The following RB1CC1 variants were observed in gnomAD, a reference collection of about 807,000 sequenced individuals.
RB1CC1 encodes the protein RB1-inducible coiled-coil protein 1.
A neutral mutation model predicts 177.5 loss-of-function variants in RB1CC1; 46 were observed. That is an observed-to-expected ratio of 0.26 (90% CI 0.20 to 0.33). The LOEUF (loss-of-function observed/expected upper bound fraction) is 0.33, where lower values mean the gene tolerates loss of function less well. RB1CC1 is among the 10% of genes least tolerant of loss of function. The pLI is 1.00. For synonymous variants in RB1CC1, 666 were observed against 613.6 expected (o/e 1.09, Z -1.26); for missense variants, 1,703 against 1,816.3 (o/e 0.94, Z 1.13).
Position 52,643,099 on chromosome 8 carries a change from T to TA in RB1CC1, c.3988-288dup, listed in dbSNP as rs770245851. The TA allele has an allele frequency of 3.7e-5, 8 of 217,620 alleles. No homozygotes were observed. In the East Asian group the frequency reaches 5.6e-4, roughly 15 times the overall value. 13.5% of individuals were successfully genotyped at this position (217,620 alleles called of 1,614,324 possible). A position where few individuals can be genotyped will look rare whatever the true frequency, so the allele number is the denominator to read the frequency against. On this transcript the variant is annotated intron_variant, in intron 16 of 23. Transcript: ENST00000025008. ...TGAAGAATTAGAAGCATCAATAACT[T>TA]AGAGTGCTGTTAGACACTTACTTTT... is the stretch of plus-strand genomic sequence containing the variant.
At chr8:52,662,907 A>C (rs1327086792) in intron 8 of RB1CC1, among the ~76,000 whole-genome samples, 2 of 152,072 alleles carry the variant, frequency 1.3e-5, no homozygotes, top group Non-Finnish European at 2.9e-5. Context: ...GTTTTCAATT[A>C]CTTTTTATTG....
chr8:52,630,899 C>T (rs1052904152), intron 20 of RB1CC1, among the ~76,000 whole-genome samples: 3 of 152,148 alleles, frequency 2.0e-5, no homozygotes, highest in Admixed American at 6.6e-5. Context: ...AAGAAACCCA[C>T]ACTTAGAAAA....
rs775835957 is a variant in RB1CC1, at chr8:52,676,484, T to C, written c.457A>G (p.Ile153Val). 1.9e-6 allele frequency: 3 copies of C among 1,613,686 alleles called. No individual in the cohort carries two copies. The highest frequency in any genetic ancestry group is 2.2e-5 in the East Asian group (1 of 44,862). The change falls in exon 6 of 24, where the codon ATC (isoleucine) becomes GTC (valine). Residue 153 changes from isoleucine to valine, a missense_variant. Physicochemically the swap from Ile to Val is conservative, Grantham distance 29. Transcript: ENST00000025008. Reference sequence around the variant, plus strand: ...GAACAGTCCTCCAGGTTGGCCATGATTGCAGCCCAGCCTTGGTGTTGAAGA... The same window carrying C: ...GAACAGTCCTCCAGGTTGGCCATGACTGCAGCCCAGCCTTGGTGTTGAAGA... ...EHLQHQGWAA[I>V]MANLEDCSNS...
chr8:52,708,197 C>T (rs1856749405), intron 1 of RB1CC1, among the ~76,000 whole-genome samples: 1 of 152,194 alleles, frequency 6.6e-6, no homozygotes, highest in South Asian at 2.1e-4. Flanking sequence ...CCCATCTTTG[C>T]TGATCTGAAT....
At chr8:52,640,422 T>C (rs900534251) in intron 18 of RB1CC1, among the ~76,000 whole-genome samples, 6 of 152,264 alleles carry the variant, frequency 3.9e-5, no homozygotes, top group African/African-American at 7.2e-5. Context: ...GGTGATGGAT[T>C]ACTCTAATTT....
intron 16 of RB1CC1, among the ~76,000 whole-genome samples, chr8:52,644,155 G>T (rs1405903482): frequency 2.0e-5 from 3 of 151,868 alleles, no homozygotes; most frequent in Non-Finnish European, 2.9e-5. Flanking sequence ...ATTTGTAATT[G>T]GCATATGAAA....
intron 1 of RB1CC1, among the ~76,000 whole-genome samples, chr8:52,694,664 TCTA>T (rs1855212794): frequency 2.0e-5 from 3 of 152,196 alleles, no homozygotes; most frequent in Admixed American, 2.0e-4. Context: ...ATACCAGGCA[TCTA>T]CTAGTGAAGG....
chr8:52,672,719 T>C (rs1455851906), intron 7 of RB1CC1, among the ~76,000 whole-genome samples: 1 of 152,178 alleles, frequency 6.6e-6, no homozygotes, highest in African/African-American at 2.4e-5. Context: ...TACTCCGGCC[T>C]GGGCGACAGA....
At chr8:52,637,217 C>T (rs1164913766) in intron 18 of RB1CC1, among the ~76,000 whole-genome samples, 1 of 152,138 alleles carries the variant, frequency 6.6e-6, no homozygotes, top group East Asian at 1.9e-4. Flanking sequence ...ACACAGGATG[C>T]CCTACTGTCT....
At chr8:52,644,914 G>A (rs1849887009) in intron 16 of RB1CC1, among the ~76,000 whole-genome samples, 1 of 152,112 alleles carries the variant, frequency 6.6e-6, no homozygotes, top group Non-Finnish European at 1.5e-5. Context: ...TATTATCCCT[G>A]GCCTGAATTC....
At chr8:52,630,414 TAAC>T in intron 21 of RB1CC1, 53 bp downstream of exon 21, 1 of 1,507,686 alleles carries the variant, frequency 6.6e-7, no homozygotes. Context: ...ACATTTTCAT[TAAC>T]AATTCAGTGA....
At chr8:52,693,471 C>G (rs1190541652) in intron 1 of RB1CC1, among the ~76,000 whole-genome samples, 1 of 151,930 alleles carries the variant, frequency 6.6e-6, no homozygotes, top group East Asian at 1.9e-4. Context: ...AAAAAAAGCT[C>G]AACATCAAAG....
chr8:52,669,885 G>C lies in RB1CC1; in HGVS notation c.1003-1694C>G, dbSNP rs535056624. On this transcript the variant is annotated intron_variant, in intron 7 of 23. Transcript: ENST00000025008. ...ACGTATCTGAATTTAATAATTCATT[G>C]AAAGTATAACTGCACTGACAAACAT... Among the ~76,000 whole-genome samples, 4 of 151,972 alleles carry C rather than the reference G, an allele frequency of 2.6e-5. No individual in the cohort carries two copies. The East Asian group carries it at 7.7e-4, about 29-fold the overall frequency.
chr8:52,640,918 AC>A (rs751680153), intron 18 of RB1CC1, among the ~76,000 whole-genome samples: 70 of 152,234 alleles, frequency 4.6e-4, no homozygotes, highest in Non-Finnish European at 8.8e-4. Flanking sequence ...TTTTTCAAAA[AC>A]AAACAAACAA....
chr8:52,671,534 A>G (rs1176320557), intron 7 of RB1CC1, among the ~76,000 whole-genome samples: 1 of 152,234 alleles, frequency 6.6e-6, no homozygotes, highest in African/African-American at 2.4e-5. Context: ...CTTATCAAGA[A>G]AAAGTATAGT....
chr8:52,655,450 T>G (rs566230632), intron 15 of RB1CC1, among the ~76,000 whole-genome samples: 1 of 151,988 alleles, frequency 6.6e-6, no homozygotes, highest in East Asian at 1.9e-4. Context: ...GTAACAATAA[T>G]AAACATGTAA....
At chr8:52,698,129 T>C (rs1341434284) in intron 1 of RB1CC1, among the ~76,000 whole-genome samples, 5 of 152,024 alleles carry the variant, frequency 3.3e-5, no homozygotes, top group African/African-American at 7.2e-5. Flanking sequence ...GGCTAGAGTA[T>C]AGTGGCGGGA....
At chr8:52,658,546 C>A (rs1233956631) in intron 13 of RB1CC1, among the ~76,000 whole-genome samples, 3 of 142,196 alleles carry the variant, frequency 2.1e-5, no homozygotes, top group African/African-American at 7.7e-5. Context: ...CATTGCACTC[C>A]AGCCTGGGCG....
rs1270249641 is a variant in RB1CC1 at position 52,656,200 on chromosome 8, T to C, written c.3629A>G (p.Gln1210Arg). The C allele has an allele frequency of 1.9e-6, 3 of 1,613,790 alleles. No individual in the cohort carries two copies. The highest frequency in any genetic ancestry group is 1.7e-5 in the Admixed American group (1 of 60,024). ...TTTTTGTCTGTCTTTCTCAAGGTTC[T>C]GGATAATAGCTTCGTATTTCTCTTC... ...QQEEKYEAII[Q>R]NLEKDRQKLV... The change falls in exon 15 of 24, where the codon CAG becomes CGG. Residue 1210 changes from glutamine (Q) to arginine (R), a missense_variant. Transcript: ENST00000025008.
Sources: gnomAD v4.1 joint callset for allele counts (sites outside exome capture counted in the v4.1 genomes callset) on GRCh38, gnomAD v4.1.1 for gene constraint, MANE v1.5 for transcripts, NCBI Gene and HGNC (gene_info 2026-07-23, HGNC 2026-07-21) for gene names.